SHISA6: variants seen among roughly 807,000 people sequenced by gnomAD.
The protein encoded by SHISA6 is protein shisa-6.
In SHISA6, 22 loss-of-function variants were observed where a neutral mutation model predicts 47.9. The observed-to-expected ratio is 0.46, with a 90% CI of 0.33 to 0.66. The LOEUF is 0.66. Ranked by LOEUF, SHISA6 falls within the 30% of genes least tolerant of loss-of-function variation. SHISA6 has a pLI of 0.02. For synonymous variants in SHISA6, 388 were observed against 337.8 expected, an observed-to-expected ratio of 1.15 and a Z score of -1.63; for missense variants, 680 against 764.6, an observed-to-expected ratio of 0.89 and a Z score of 1.30.
intron 2 of SHISA6, among the ~76,000 whole-genome samples, chr17:11,273,236 C>G (rs1195672227): frequency 6.6e-6 from 1 of 152,206 alleles, no homozygotes; most frequent in African/African-American, 2.4e-5. Context: ...TAAACACAGA[C>G]CCTAGAGCTC....
chr17:11,241,442 TG>T lies in SHISA6; in HGVS notation c.21del (p.Leu8CysfsTer28). On this transcript the variant is annotated frameshift_variant, in exon 1 of 6. Coordinates refer to ENST00000441885, the MANE Select transcript of SHISA6 (RefSeq NM_207386.4). LOFTEE classifies it high-confidence loss of function. The surrounding 1 kb of genome is among the most constrained non-coding windows in gnomAD (Gnocchi z 5.5). MALRRL[L>X]LLLLLSLESL... ...CCCGCCATGGCGCTGCGGCGCCTCC[TG>T]CTGCTGCTGCTGCTCTCGCTGGAGT... is the stretch of plus-strand genomic sequence containing the variant. 8.7e-7 allele frequency: 1 copy of T among 1,155,574 alleles called. No homozygotes were observed. The highest frequency in any genetic ancestry group is 1.1e-6 in the Non-Finnish European group (1 of 922,576). The allele number at this position is 1,155,574 out of a possible 1,614,324, so 71.6% of individuals were successfully genotyped here.
At chr17:11,291,319 A>C (rs113316718) in intron 2 of SHISA6, among the ~76,000 whole-genome samples, 2,153 of 152,154 alleles carry the variant, frequency 0.014, 34 homozygotes, top group African/African-American at 0.041. Context: ...TAGGGCTGCC[A>C]TAAAAAATTG....
At chr17:11,247,004 T>C (rs958836003) in intron 1 of SHISA6, among the ~76,000 whole-genome samples, 1 of 152,276 alleles carries the variant, frequency 6.6e-6, no homozygotes, top group African/African-American at 2.4e-5. Context: ...CCTCTTACCC[T>C]ACCCGAGGTG....
At chr17:11,294,643 A>G (rs1268457731) in intron 2 of SHISA6, among the ~76,000 whole-genome samples, 5 of 152,302 alleles carry the variant, frequency 3.3e-5, no homozygotes, top group African/African-American at 1.2e-4. Flanking sequence ...AAGAAAGTCA[A>G]ATACAGTATT....
At chr17:11,349,459 A>G (rs900130539) in intron 2 of SHISA6, among the ~76,000 whole-genome samples, 5 of 152,182 alleles carry the variant, frequency 3.3e-5, no homozygotes, top group African/African-American at 4.8e-5. Flanking sequence ...GCAGAAGTCC[A>G]TTGAGTCAGG....
In SHISA6 at chr17:11,455,177, AAAAC is replaced by A. The variant is rs199965683; in HGVS notation, c.895+75684_895+75687del. On this transcript the variant is annotated intron_variant, in intron 3 of 5. Transcript: ENST00000441885. ...GAGCAAGACTCTGTCTCAAAAAAACAAAACAAACAAACAAACAAAAAAAACAGTT... is the reference window on the plus strand; with the variant it reads ...GAGCAAGACTCTGTCTCAAAAAAACAAAACAAACAAACAAAAAAAACAGTT... Among the ~76,000 whole-genome samples the A allele has an allele frequency of 7.9e-5, 12 of 151,920 alleles. No individual in the cohort carries two copies. The East Asian group carries it at 1.4e-3, about 17-fold the overall frequency.
chr17:11,337,600 G>C (rs946658639), intron 2 of SHISA6, among the ~76,000 whole-genome samples: 3 of 152,186 alleles, frequency 2.0e-5, no homozygotes, highest in Non-Finnish European at 4.4e-5. Context: ...AAAAGGCAGG[G>C]ACTCCTTTTT....
intron 3 of SHISA6, among the ~76,000 whole-genome samples, chr17:11,390,360 C>A (rs1291780482): frequency 6.6e-6 from 1 of 152,098 alleles, no homozygotes; most frequent in South Asian, 2.1e-4. Context: ...ACACCTGCAC[C>A]AGAGCTCTGA....
At chr17:11,511,499 C>T (rs566951030) in intron 3 of SHISA6, among the ~76,000 whole-genome samples, 1 of 150,340 alleles carries the variant, frequency 6.7e-6, no homozygotes, top group South Asian at 2.1e-4. Context: ...TAAGCTTCCC[C>T]CCACAAAAAA....
chr17:11,269,036 G>T (rs368037941), intron 2 of SHISA6, among the ~76,000 whole-genome samples: 48 of 145,198 alleles, frequency 3.3e-4, no homozygotes, highest in African/African-American at 1.1e-3. Flanking sequence ...AGTTTTTTTT[G>T]TTTGTCTGTT....
chr17:11,342,900 C>G (rs774719112), intron 2 of SHISA6, among the ~76,000 whole-genome samples: 6 of 152,188 alleles, frequency 3.9e-5, no homozygotes, highest in Non-Finnish European at 5.9e-5. Flanking sequence ...TCTCCAGATA[C>G]AGAATCAGGG....
At chr17:11,310,436 T>C (rs758058240) in intron 2 of SHISA6, among the ~76,000 whole-genome samples, 1 of 152,142 alleles carries the variant, frequency 6.6e-6, no homozygotes, top group Non-Finnish European at 1.5e-5. Flanking sequence ...TGGTCGAGAA[T>C]GACAAAGCCA....
chr17:11,388,950 C>A (rs1440990504), intron 3 of SHISA6, among the ~76,000 whole-genome samples: 8 of 151,676 alleles, frequency 5.3e-5, no homozygotes, highest in African/African-American at 1.7e-4. Flanking sequence ...AACTCCCTTT[C>A]CCATATGGGT....
chr17:11,268,149 T>C (rs1908498607), intron 2 of SHISA6, among the ~76,000 whole-genome samples: 1 of 152,038 alleles, frequency 6.6e-6, no homozygotes, highest in South Asian at 2.1e-4. Context: ...TTATCAAGAG[T>C]GACATCATCT....
intron 3 of SHISA6, among the ~76,000 whole-genome samples, chr17:11,455,120 G>A (rs970861610): frequency 6.6e-6 from 1 of 152,066 alleles, no homozygotes; most frequent in Non-Finnish European, 1.5e-5. Context: ...AGTGAGCCGA[G>A]ATCACGCCAC....
At chr17:11,329,859 GCACC>G (rs1240873786) in intron 2 of SHISA6, among the ~76,000 whole-genome samples, 1 of 151,992 alleles carries the variant, frequency 6.6e-6, no homozygotes, top group Non-Finnish European at 1.5e-5. Flanking sequence ...GTGTTCAAGC[GCACC>G]TGGATCAAGG....
chr17:11,485,639 T>TA (rs893283509), intron 3 of SHISA6, among the ~76,000 whole-genome samples: 5 of 151,740 alleles, frequency 3.3e-5, no homozygotes. Context: ...ACACAATTGT[T>TA]ACAATCACGA....
intron 2 of SHISA6, among the ~76,000 whole-genome samples, chr17:11,298,918 G>T (rs1227847213): frequency 2.0e-5 from 3 of 152,226 alleles, no homozygotes; most frequent in East Asian, 3.8e-4. Flanking sequence ...GTTAGAGGTA[G>T]ATTTGTTCAG....
chr17:11,308,758 C>T (rs1165189646), intron 2 of SHISA6, among the ~76,000 whole-genome samples: 1 of 152,154 alleles, frequency 6.6e-6, no homozygotes, highest in Non-Finnish European at 1.5e-5. Flanking sequence ...GGAATCTCTC[C>T]ATGCTCGGTG....
Sources: gnomAD v4.1 joint callset for allele counts (sites outside exome capture counted in the v4.1 genomes callset) on GRCh38, gnomAD v4.1.1 for gene constraint, Gnocchi (gnomAD v3.1) non-coding constraint, MANE v1.5 for transcripts, NCBI Gene and HGNC (gene_info 2026-07-23, HGNC 2026-07-21) for gene names.